Variants in ZNF827 observed in about 807,000 individuals in gnomAD.
ZNF827 encodes the protein zinc finger protein 827.
A neutral mutation model predicts 102.4 loss-of-function variants in ZNF827; 13 were observed. The observed-to-expected ratio is 0.13, with a 90% CI of 0.08 to 0.20. The LOEUF (loss-of-function observed/expected upper bound fraction) is 0.20. Ranked by LOEUF, ZNF827 falls within the 10% of genes least tolerant of loss-of-function variation. ZNF827 has a pLI of 1.00. For synonymous variants in ZNF827, 523 were observed against 536.2 expected (o/e 0.98, Z 0.34); for missense variants, 1,103 against 1,344.4 (o/e 0.82, Z 2.81).
intron 1 of ZNF827, among the ~76,000 whole-genome samples, chr4:145,913,280 G>A (rs2126932954): frequency 1.3e-5 from 2 of 152,066 alleles, no homozygotes; most frequent in Non-Finnish European, 2.9e-5. Flanking sequence ...ATAAAAATTA[G>A]CCAAGTGTGG....
chr4:145,776,174 C>A (rs1443893565), intron 9 of ZNF827, among the ~76,000 whole-genome samples: 1 of 152,094 alleles, frequency 6.6e-6, no homozygotes, highest in Admixed American at 6.6e-5. Flanking sequence ...AGAAAATCTC[C>A]GGCTGGGCAC....
At position 145,885,964 on chromosome 4, in the gene ZNF827, C is replaced by T. The variant is rs762590904; in HGVS notation, c.1461G>A (p.Gly487=). The change falls in exon 4 of 15, where the codon GGG becomes GGA. Residue 487 remains glycine (G), a synonymous_variant. Coordinates refer to ENST00000508784, the MANE Select transcript of ZNF827 (RefSeq NM_001306215.2). ...CTGTCCCTCCTCCTTCCCTTTGCTG[C>T]CCCAGGCAGGCACTGTCACTGAGGT... ...SPHLSDSACL[G]QQREGGGTEL... is the part of the protein sequence containing the mutation. 9.9e-6 allele frequency: 16 copies of T among 1,613,922 alleles called. No homozygotes were observed. The highest frequency in any genetic ancestry group is 1.3e-5 in the African/African-American group (1 of 74,944).
At chr4:145,797,129 G>A (rs539136287) in intron 8 of ZNF827, among the ~76,000 whole-genome samples, 91 of 152,306 alleles carry the variant, frequency 6.0e-4, no homozygotes, top group African/African-American at 2.1e-3. Context: ...TGGTCTCTTA[G>A]AGCCAGTGGC....
rs146655640 is a variant in ZNF827 at position 145,920,270 on chromosome 4, T to C, written c.44-17055A>G. 5.5e-3 allele frequency among the ~76,000 whole-genome samples: 845 copies of C among 152,356 alleles called. 3 individuals carry two copies. The highest frequency in any genetic ancestry group is 9.1e-3 in the Non-Finnish European group (618 of 68,034). ...GAAGACAGGAAACTTCTGGTTGTTA[T>C]GACCATGGAATCCAGATGCAGAATA... On this transcript the variant is annotated intron_variant, in intron 1 of 14. Coordinates refer to ENST00000508784, the MANE Select transcript of ZNF827 (RefSeq NM_001306215.2).
intron 8 of ZNF827, among the ~76,000 whole-genome samples, chr4:145,794,103 A>C (rs1740132907): frequency 6.6e-6 from 1 of 152,242 alleles, no homozygotes; most frequent in African/African-American, 2.4e-5. Context: ...ACTAGAGCGG[A>C]GAACAGATGT....
At chr4:145,767,076 C>T (rs982116526) in intron 11 of ZNF827, among the ~76,000 whole-genome samples, 10 of 152,112 alleles carry the variant, frequency 6.6e-5, no homozygotes, top group South Asian at 4.2e-4. Context: ...AAACACAATT[C>T]GAATTGAGAA....
In ZNF827 at chr4:145,823,461, G is replaced by C. The variant is rs947629040; in HGVS notation, c.2344C>G (p.Pro782Ala). ...PFTSNSKELL[P>A]SDSVLHGRIS... ...CTTCCGTGCAGCACGGAGTCACTGG[G>C]CAGCAGTTCTTTTGAATTGGAGGTG... The change falls in exon 8 of 15, where the codon CCC becomes GCC. Residue 782 changes from proline to alanine, a missense_variant. This residue lies in a region of ZNF827 where 243 missense variants were observed against 251.6 expected (regional missense o/e 0.97). Coordinates refer to ENST00000508784, the MANE Select transcript of ZNF827 (RefSeq NM_001306215.2). The C allele has an allele frequency of 1.9e-6, 3 of 1,613,764 alleles. No individual in the cohort carries two copies. The highest frequency in any genetic ancestry group is 2.5e-6 in the Non-Finnish European group (3 of 1,179,970).
intron 8 of ZNF827, among the ~76,000 whole-genome samples, chr4:145,781,228 G>GA (rs60872964): frequency 0.29 from 28,722 of 99,716 alleles, 3,170 homozygotes; most frequent in African/African-American, 0.33. Flanking sequence ...GAAAAAAAAA[G>GA]AAAAAAAAAA....
intron 8 of ZNF827, among the ~76,000 whole-genome samples, chr4:145,794,443 T>C (rs1197279342): frequency 6.6e-6 from 1 of 152,108 alleles, no homozygotes; most frequent in Admixed American, 6.5e-5. Flanking sequence ...TCCCAGCACT[T>C]TGGGAGGCCA....
rs1752397060 is a variant in ZNF827, at chr4:145,912,983, G to A, written c.44-9768C>T. On this transcript the variant is annotated intron_variant, in intron 1 of 14. Transcript: ENST00000508784. ...CTCAACTATAGCCTCAGTTTGTAAT[G>A]TAGTTTTTGTAATAAGCTGGATATT... is the stretch of plus-strand genomic sequence containing the variant. 2.0e-5 allele frequency among the ~76,000 whole-genome samples: 3 copies of A among 152,212 alleles called. No individual in the cohort carries two copies. In the South Asian group the frequency reaches 6.2e-4, roughly 32 times the overall value.
rs1311184731 is a variant in ZNF827, at chr4:145,765,768, T to TA, written c.2861-31dup. The TA allele has an allele frequency of 1.3e-6, 2 of 1,599,640 alleles. No homozygotes were observed. Among genetic ancestry groups the TA allele is most frequent in the Non-Finnish European group, 1.7e-6 (2 of 1,172,154 alleles). ...AAAATAAGCAAATAACCCAGTCTGTTAATGAGATGAAAATCCTCAGAATTA... is the reference window on the plus strand; with the variant it reads ...AAAATAAGCAAATAACCCAGTCTGTTAAATGAGATGAAAATCCTCAGAATTA... On this transcript the variant is annotated intron_variant, in intron 11 of 14. Transcript: ENST00000508784. This position sits in a 1 kb window ranked among gnomAD's most constrained non-coding sequence, Gnocchi z 4.7.
intron 7 of ZNF827, among the ~76,000 whole-genome samples, chr4:145,825,722 C>G (rs1743611849): frequency 6.6e-6 from 1 of 152,168 alleles, no homozygotes; most frequent in Non-Finnish European, 1.5e-5. Flanking sequence ...CACATGCTGT[C>G]TTCAAAAGTG....
intron 5 of ZNF827, among the ~76,000 whole-genome samples, chr4:145,866,916 G>C (rs1336497575): frequency 2.0e-5 from 3 of 152,144 alleles, no homozygotes; most frequent in African/African-American, 7.2e-5. Flanking sequence ...TGATAACACA[G>C]CTATCCCATA....
chr4:145,768,773 G>A (rs1735718407), intron 11 of ZNF827, among the ~76,000 whole-genome samples: 1 of 137,170 alleles, frequency 7.3e-6, no homozygotes. Flanking sequence ...CAGGAGAATC[G>A]CTTGAACCCA....
chr4:145,836,193 T>C (rs920076810), intron 7 of ZNF827, among the ~76,000 whole-genome samples: 1 of 151,688 alleles, frequency 6.6e-6, no homozygotes, highest in Admixed American at 6.6e-5. Flanking sequence ...ATAATTCTCA[T>C]AAAAACACAC....
chr4:145,866,436 T>C (rs1297858624), intron 5 of ZNF827, among the ~76,000 whole-genome samples: 1 of 152,240 alleles, frequency 6.6e-6, no homozygotes, highest in Non-Finnish European at 1.5e-5. Context: ...TAGGGCCTGG[T>C]TGAATTCCTA....
At chr4:145,888,433 T>C (rs947818059) in intron 3 of ZNF827, among the ~76,000 whole-genome samples, 2 of 152,234 alleles carry the variant, frequency 1.3e-5, no homozygotes, top group Non-Finnish European at 2.9e-5. Context: ...GGGGCTCACC[T>C]ATCCTCTGGT....
chr4:145,888,082 T>C (rs1389530591), intron 3 of ZNF827, among the ~76,000 whole-genome samples: 5 of 152,194 alleles, frequency 3.3e-5, no homozygotes, highest in African/African-American at 1.2e-4. Context: ...GTATTTTATG[T>C]GACTTCTTTT....
At chr4:145,937,090 C>G (rs1181262004) in intron 1 of ZNF827, among the ~76,000 whole-genome samples, 1 of 152,110 alleles carries the variant, frequency 6.6e-6, no homozygotes, top group Non-Finnish European at 1.5e-5. Flanking sequence ...TTCTCCTTCA[C>G]TTTTAGCTTT....
Sources: allele counts gnomAD v4.1 joint callset (sites outside exome capture counted in the v4.1 genomes callset), GRCh38; gene constraint gnomAD v4.1.1; regional missense constraint gnomAD v4.1.1; non-coding constraint Gnocchi (gnomAD v3.1); transcripts MANE v1.5; gene names NCBI Gene and HGNC (gene_info 2026-07-23, HGNC 2026-07-21).